The following RFTN1 variants were observed in gnomAD, a reference collection of about 807,000 sequenced individuals.
RFTN1 encodes raftlin, lipid raft linker 1, also known as raftlin.
RFTN1 carries 26 observed loss-of-function variants against 46.5 expected under a neutral mutation model. That is an observed-to-expected ratio of 0.56 (90% CI 0.41 to 0.78). RFTN1 has a LOEUF of 0.78. RFTN1 is among the 30% of genes least tolerant of loss of function. The pLI, the probability that RFTN1 is intolerant of heterozygous loss-of-function variation, is 0.00. For synonymous variants in RFTN1, 261 were observed against 284.2 expected, an observed-to-expected ratio of 0.92 and a Z score of 0.82; for missense variants, 693 against 718.7, an observed-to-expected ratio of 0.96 and a Z score of 0.41.
chr3:16,378,095 T>C lies in RFTN1; in HGVS notation c.449A>G (p.Glu150Gly), dbSNP rs774907259. The C allele has an allele frequency of 1.2e-6, 2 of 1,607,996 alleles. No homozygotes were observed. The highest frequency in any genetic ancestry group is 1.1e-5 in the South Asian group (1 of 91,006). ...GAATTTCAGGCCCTGGCTTGCAGCC[T>C]CCTGGATCTGTGAGGCAAACAAAAG... ...LIPEFIKKIQ[E>G]AASQGLKFVG... The change falls in exon 5 of 10, where the codon GAG becomes GGG. Residue 150 changes from glutamate to glycine, a missense_variant. Physicochemically the swap from Glu to Gly is moderately conservative, Grantham distance 98. Transcript: ENST00000334133.
chr3:16,354,161 C>T (rs690037), intron 7 of RFTN1, among the ~76,000 whole-genome samples: 74,229 of 151,928 alleles, frequency 0.49, 18,267 homozygotes, highest in African/African-American at 0.53. Context: ...AAACTCACAA[C>T]GGAGGGAGGA....
At chr3:16,326,050 C>T (rs1024662619) in intron 8 of RFTN1, among the ~76,000 whole-genome samples, 1 of 152,258 alleles carries the variant, frequency 6.6e-6, no homozygotes, top group South Asian at 2.1e-4. Flanking sequence ...CAAGCCTCCC[C>T]TAGCCTCAGT....
chr3:16,359,334 G>A (rs1433823214), intron 6 of RFTN1, among the ~76,000 whole-genome samples: 3 of 152,116 alleles, frequency 2.0e-5, no homozygotes. Context: ...ATTATGGACT[G>A]AATTGTTTCC....
chr3:16,463,819 C>T (rs1259040303), intron 2 of RFTN1, among the ~76,000 whole-genome samples: 1 of 152,140 alleles, frequency 6.6e-6, no homozygotes, highest in African/African-American at 2.4e-5. Context: ...AGATGGCTCT[C>T]CTTTCTTCTG....
intron 6 of RFTN1, among the ~76,000 whole-genome samples, chr3:16,360,657 G>A (rs796524635): frequency 1.1e-4 from 16 of 152,078 alleles, no homozygotes; most frequent in African/African-American, 3.9e-4. Context: ...TCTATCATGA[G>A]GTAATAACCT....
rs2068594291 is a variant in RFTN1, at chr3:16,317,878, T to C, written c.1333-646A>G. 6.6e-6 allele frequency among the ~76,000 whole-genome samples: 1 copy of C among 152,178 alleles called. No homozygotes were observed. ...CAACAACCCATTTCCTGATCCCAAT[T>C]TGGGATAACGCAAATGCCATCCCAG... On this transcript the variant is annotated intron_variant, in intron 9 of 9. Transcript: ENST00000334133. The surrounding 1 kb of genome is among the most constrained non-coding windows in gnomAD (Gnocchi z 4.3).
chr3:16,416,504 A>AT (rs2075083064), intron 3 of RFTN1, among the ~76,000 whole-genome samples: 1 of 152,232 alleles, frequency 6.6e-6, no homozygotes, highest in Admixed American at 6.5e-5. Context: ...TTTGACAAAC[A>AT]TAGTATGGTA....
chr3:16,379,849 TAGC>T (rs1384435107), intron 4 of RFTN1, among the ~76,000 whole-genome samples: 12 of 151,978 alleles, frequency 7.9e-5, no homozygotes, highest in Non-Finnish European at 1.8e-4. Flanking sequence ...TAAAAGAAAA[TAGC>T]AGGGAAATAA....
chr3:16,470,567 G>A (rs934244319), intron 2 of RFTN1, among the ~76,000 whole-genome samples: 5 of 152,192 alleles, frequency 3.3e-5, no homozygotes, highest in African/African-American at 1.2e-4. Flanking sequence ...CCCAGATTCT[G>A]TGTATAAACT....
chr3:16,353,027 A>G lies in RFTN1; in HGVS notation c.1146+4905T>C, dbSNP rs1211624508. ...GGAATGGCACATCTACACAGAGCTGAGGGATCAGCACAGGAGGAGGAAAGA... is the reference window on the plus strand; with the variant it reads ...GGAATGGCACATCTACACAGAGCTGGGGGATCAGCACAGGAGGAGGAAAGA... On this transcript the variant is annotated intron_variant, in intron 7 of 9. Transcript: ENST00000334133. This position sits in a 1 kb window ranked among gnomAD's most constrained non-coding sequence, Gnocchi z 5.4. 6.6e-6 allele frequency among the ~76,000 whole-genome samples: 1 copy of G among 152,170 alleles called. No individual in the cohort carries two copies. Among genetic ancestry groups the G allele is most frequent in the Admixed American group, 6.6e-5 (1 of 15,264 alleles).
chr3:16,456,827 G>T (rs887448495), intron 2 of RFTN1, among the ~76,000 whole-genome samples: 6 of 152,202 alleles, frequency 3.9e-5, no homozygotes, highest in Non-Finnish European at 7.3e-5. Context: ...GTATCATTTT[G>T]AAAATAGTTG....
rs1387844134 is a variant in RFTN1, at chr3:16,345,027, G to A, written c.1146+12905C>T. ...TAAGAAATGGGGGCAGCCCCCAGGA[G>A]CAAGGACCAGCTCCTGGATAACTGC... is the stretch of plus-strand genomic sequence containing the variant. On this transcript the variant is annotated intron_variant, in intron 7 of 9. Coordinates refer to ENST00000334133, the MANE Select transcript of RFTN1 (RefSeq NM_015150.2). This position sits in a 1 kb window ranked among gnomAD's most constrained non-coding sequence, Gnocchi z 5.2. 1.3e-5 allele frequency: 2 copies of A among 152,254 alleles called. No individual in the cohort carries two copies. Among genetic ancestry groups the A allele is most frequent in the East Asian group, 3.8e-4 (2 of 5,196 alleles). The allele number at this position is 152,254 out of a possible 1,614,324, so 9.4% of individuals were successfully genotyped here.
Position 16,434,034 on chromosome 3 carries a change from T to C in RFTN1, c.149A>G (p.Glu50Gly). Residue 50 changes from glutamate to glycine, a missense_variant, in exon 3 of 10, where the codon GAG becomes GGG. By Grantham distance (98) the Glu-to-Gly change is moderately conservative. Transcript: ENST00000334133. Reference protein sequence around the residue: ...FLEFTTLSAAELPGSSAVRLA... With the variant: ...FLEFTTLSAAGLPGSSAVRLA... ...CCTCACTGCTGAGGACCCAGGGAGC[T>C]CCGCTGGAGTGGAGAGAGGAGAGGC... 1 of 1,591,068 alleles carries C rather than the reference T, an allele frequency of 6.3e-7. No homozygotes were observed.
At chr3:16,444,774 C>T (rs1436555252) in intron 2 of RFTN1, among the ~76,000 whole-genome samples, 1 of 152,246 alleles carries the variant, frequency 6.6e-6, no homozygotes, top group African/African-American at 2.4e-5. Context: ...GGAGTAAGTG[C>T]TCCTTACGAG....
At chr3:16,417,398 A>G (rs73816431) in intron 3 of RFTN1, among the ~76,000 whole-genome samples, 30,903 of 152,104 alleles carry the variant, frequency 0.2, 3,550 homozygotes, top group Admixed American at 0.27. Context: ...AAAAAACCAC[A>G]CACACATTAA....
In RFTN1 at chr3:16,321,005, G is replaced by C. The variant is rs1404061829; in HGVS notation, c.1332+2371C>G. On this transcript the variant is annotated intron_variant, in intron 9 of 9. Transcript: ENST00000334133. This position sits in a 1 kb window ranked among gnomAD's most constrained non-coding sequence, Gnocchi z 4.8. The stretch of plus-strand genomic sequence containing the variant: ...AGAATAGCTGAGGCGAGTGATGGTA[G>C]AGAGAAGTGGAGGGATTCCAGAGCC... Among the ~76,000 whole-genome samples the C allele has an allele frequency of 1.3e-5, 2 of 152,214 alleles. No individual in the cohort carries two copies. Among genetic ancestry groups the C allele is most frequent in the Non-Finnish European group, 2.9e-5 (2 of 68,046 alleles).
chr3:16,442,727 CCATCTCCCTG>C lies in RFTN1; in HGVS notation c.146-8700_146-8691del, dbSNP rs778175226. On this transcript the variant is annotated intron_variant, in intron 2 of 9. Transcript: ENST00000334133. This position sits in a 1 kb window ranked among gnomAD's most constrained non-coding sequence, Gnocchi z 4.1. ...CTTTGTACCTTTGACCTACAACTCC[CCATCTCCCTG>C]CATCTCCCTGACCCCCCAAACTACA... 9.2e-5 allele frequency among the ~76,000 whole-genome samples: 14 copies of C among 152,306 alleles called. No individual in the cohort carries two copies. Among genetic ancestry groups the C allele is most frequent in the Non-Finnish European group, 1.9e-4 (13 of 68,028 alleles).
At chr3:16,510,411 T>A (rs2076878185) in intron 1 of RFTN1, among the ~76,000 whole-genome samples, 1 of 152,236 alleles carries the variant, frequency 6.6e-6, no homozygotes, top group African/African-American at 2.4e-5. Context: ...CAACCAAGGG[T>A]ACATTCCCCT....
rs1056932274 is a variant in RFTN1, at chr3:16,460,846, C to T, written c.146-26809G>A. ...AGCTGTGAAGTGGCCCACTCTCTCC[C>T]ACCTACCCACCCCAGAATTTCTTAC... On this transcript the variant is annotated intron_variant, in intron 2 of 9. Transcript: ENST00000334133. This position sits in a 1 kb window ranked among gnomAD's most constrained non-coding sequence, Gnocchi z 4.8. Among the ~76,000 whole-genome samples, 48 of 152,236 alleles carry T rather than the reference C, an allele frequency of 3.2e-4. No individual in the cohort carries two copies. Among genetic ancestry groups the T allele is most frequent in the African/African-American group, 1.1e-3 (46 of 41,466 alleles).
Sources: allele counts gnomAD v4.1 joint callset (sites outside exome capture counted in the v4.1 genomes callset), GRCh38; gene constraint gnomAD v4.1.1; non-coding constraint Gnocchi (gnomAD v3.1); transcripts MANE v1.5; gene names NCBI Gene and HGNC (gene_info 2026-07-23, HGNC 2026-07-21).